Variants in FOCAD observed in about 807,000 individuals in gnomAD.
FOCAD encodes focadhesin.
A neutral mutation model predicts 225.6 loss-of-function variants in FOCAD; 198 were observed. The observed-to-expected ratio is 0.88, with a 90% CI of 0.78 to 0.99. The LOEUF is 0.99. Among genes scored for constraint, FOCAD ranks in the 50% least tolerant of loss-of-function variants. The pLI, the probability that FOCAD is intolerant of heterozygous loss-of-function variation, is 0.00. For synonymous variants in FOCAD, 897 were observed against 755.0 expected (o/e 1.19, Z -3.08); for missense variants, 2,713 against 2,123.6 (o/e 1.28, Z -5.46).
chr9:20,673,085 C>G (rs775125229), intron 2 of FOCAD, among the ~76,000 whole-genome samples: 1 of 152,160 alleles, frequency 6.6e-6, no homozygotes, highest in East Asian at 1.9e-4. Flanking sequence ...AAAACCACTC[C>G]AGAATGGTAG....
chr9:20,854,678 AAAGTATGC>A (rs1827992589), intron 15 of FOCAD, among the ~76,000 whole-genome samples: 1 of 151,822 alleles, frequency 6.6e-6, no homozygotes, highest in South Asian at 2.1e-4. Flanking sequence ...CCCCAGCAAC[AAAGTATGC>A]ATAACATAAA....
chr9:20,993,339 C>G lies in FOCAD; in HGVS notation c.5332+11C>G. On this transcript the variant is annotated intron_variant, in intron 43 of 43. Coordinates refer to ENST00000338382, the MANE Select transcript of FOCAD (RefSeq NM_001375567.1). ...GGGATCTTTTGAAAGGTATTACTTC[C>G]ATGTTTTATGCTCAACATAGGGGAA... 6.2e-7 allele frequency: 1 copy of G among 1,605,718 alleles called. No individual in the cohort carries two copies. The highest frequency in any genetic ancestry group is 8.5e-7 in the Non-Finnish European group (1 of 1,172,740).
In FOCAD at chr9:20,750,750, G is replaced by C. The variant is rs192375380; in HGVS notation, c.393-7340G>C. On this transcript the variant is annotated intron_variant, in intron 5 of 43. Transcript: ENST00000338382. ...TCCTTCTGAAATAAAAAAATATAGG[G>C]TGATTTATCTCTGAGCTAAAAATAG... Among the ~76,000 whole-genome samples, 12 of 152,194 alleles carry C rather than the reference G, an allele frequency of 7.9e-5. 1 individual carries two copies. The highest frequency in any genetic ancestry group is 7.9e-4 in the Admixed American group (12 of 15,264).
At chr9:20,707,583 G>T (rs1489182091) in intron 1 of FOCAD, among the ~76,000 whole-genome samples, 1 of 152,096 alleles carries the variant, frequency 6.6e-6, no homozygotes, top group Non-Finnish European at 1.5e-5. Context: ...GAAAGCTAGA[G>T]AAAAGAAATT....
rs1273403082 is a variant in FOCAD at position 20,691,094 on chromosome 9, C to T, written c.-33+6801C>T. On this transcript the variant is annotated intron_variant, in intron 1 of 43. Transcript: ENST00000338382. ...AGTAGCTGGGATTACCGGCATGTGC[C>T]ACCACACCCAGCTAATTTTTGTATT... 3.3e-5 allele frequency among the ~76,000 whole-genome samples: 5 copies of T among 152,178 alleles called. 1 individual carries two copies. In the South Asian group the frequency reaches 8.3e-4, roughly 25 times the overall value.
intron 9 of FOCAD, 46 bp downstream of exon 9, chr9:20,778,814 A>C (rs1382342424): frequency 1.9e-6 from 2 of 1,075,388 alleles, no homozygotes; most frequent in East Asian, 4.7e-5. Flanking sequence ...ATATAACATG[A>C]GTATTGACAG....
At chr9:20,767,822 T>C (rs1052914125) in intron 7 of FOCAD, among the ~76,000 whole-genome samples, 1 of 150,676 alleles carries the variant, frequency 6.6e-6, no homozygotes, top group African/African-American at 2.4e-5. Flanking sequence ...AGAAGCTCTT[T>C]AGTTTAATTA....
chr9:20,704,831 T>C (rs1363153323), intron 1 of FOCAD, among the ~76,000 whole-genome samples: 1 of 152,232 alleles, frequency 6.6e-6, no homozygotes, highest in Non-Finnish European at 1.5e-5. Context: ...AAATGTATTA[T>C]AATGTTAGTC....
intron 5 of FOCAD, among the ~76,000 whole-genome samples, chr9:20,753,072 G>A (rs1163703126): frequency 6.6e-6 from 1 of 152,036 alleles, no homozygotes; most frequent in African/African-American, 2.4e-5. Flanking sequence ...GAGTCAATGG[G>A]GTTTTCTAGA....
intron 29 of FOCAD, 22 bp downstream of exon 29, chr9:20,944,796 T>A: frequency 1.3e-6 from 2 of 1,597,930 alleles, no homozygotes; most frequent in Non-Finnish European, 1.7e-6. Flanking sequence ...AGGCTACATT[T>A]TTTTCCCCTC....
chr9:20,797,799 C>T (rs1432668526), intron 11 of FOCAD, among the ~76,000 whole-genome samples: 11 of 152,144 alleles, frequency 7.2e-5, no homozygotes, highest in African/African-American at 2.4e-5. Flanking sequence ...CAAACAGGGA[C>T]CATTTGACTT....
intron 2 of FOCAD, among the ~76,000 whole-genome samples, chr9:20,673,741 T>C (rs895426448): frequency 6.6e-6 from 1 of 152,202 alleles, no homozygotes; most frequent in Non-Finnish European, 1.5e-5. Flanking sequence ...TAGCTGGGAC[T>C]ACACGTGCGT....
At chr9:20,782,440 G>T (rs1819476307) in intron 10 of FOCAD, among the ~76,000 whole-genome samples, 1 of 152,214 alleles carries the variant, frequency 6.6e-6, no homozygotes, top group South Asian at 2.1e-4. Flanking sequence ...CTATTCTGCT[G>T]CCTCCAACTG....
intron 4 of FOCAD, chr9:20,726,514 C>G (rs901595809): frequency 5.3e-5 from 8 of 152,158 alleles, no homozygotes; most frequent in African/African-American, 1.9e-4. Context: ...AAGGGACCTG[C>G]ATTCGAGGTA....
chr9:20,783,709 A>G (rs1287827441), intron 10 of FOCAD, among the ~76,000 whole-genome samples: 13 of 152,138 alleles, frequency 8.5e-5, no homozygotes, highest in Admixed American at 8.5e-4. Flanking sequence ...AAATAAATAA[A>G]TAAATATTAA....
Position 20,867,613 on chromosome 9 carries a change from A to C in FOCAD, c.2190+601A>C, listed in dbSNP as rs900352536. Among the ~76,000 whole-genome samples, 4 of 152,170 alleles carry C rather than the reference A, an allele frequency of 2.6e-5. No individual in the cohort carries two copies. In the East Asian group the frequency reaches 7.7e-4, roughly 29 times the overall value. On this transcript the variant is annotated intron_variant, in intron 18 of 43. Transcript: ENST00000338382. ...AAACTAAAAACATATAACCTCTTCT[A>C]GTATCTGCCTATTATAATCAGCTTT...
At chr9:20,681,595 C>T (rs991501296), upstream of FOCAD, among the ~76,000 whole-genome samples, 2 of 152,204 alleles carry the variant, frequency 1.3e-5, no homozygotes, top group Non-Finnish European at 2.9e-5. Context: ...AAAAGCCTAT[C>T]TCTCTAGTCT....
intron 4 of FOCAD, among the ~76,000 whole-genome samples, chr9:20,731,240 A>AAACAATAAC (rs1826666177): frequency 6.7e-6 from 1 of 150,292 alleles, no homozygotes; most frequent in African/African-American, 2.5e-5. Context: ...TTTGTCTCCA[A>AAACAATAAC]AACAACAACA....
intron 1 of FOCAD, among the ~76,000 whole-genome samples, chr9:20,688,310 C>T (rs746633565): frequency 6.6e-6 from 1 of 152,068 alleles, no homozygotes; most frequent in Non-Finnish European, 1.5e-5. Flanking sequence ...GGATGAATTC[C>T]AGATATATTA....
Sources: allele counts gnomAD v4.1 joint callset (sites outside exome capture counted in the v4.1 genomes callset), GRCh38; gene constraint gnomAD v4.1.1; transcripts MANE v1.5; gene names NCBI Gene and HGNC (gene_info 2026-07-23, HGNC 2026-07-21).